Variants in RAB1A observed in about 807,000 individuals in gnomAD.
RAB1A encodes ras-related protein Rab-1A.
RAB1A carries 2 observed loss-of-function variants against 26.0 expected under a neutral mutation model. That is an observed-to-expected ratio of 0.08 (90% confidence interval 0.03 to 0.24). The LOEUF (loss-of-function observed/expected upper bound fraction) is 0.24. Among genes scored for constraint, RAB1A ranks in the 10% least tolerant of loss-of-function variants. The pLI, the probability that RAB1A is intolerant of heterozygous loss-of-function variation, is 1.00. For missense variants in RAB1A, 100 were observed against 247.0 expected (o/e 0.40, Z 3.99); for synonymous variants, 84 against 84.9 (o/e 0.99, Z 0.06).
intron 1 of RAB1A, among the ~76,000 whole-genome samples, chr2:65,123,988 T>C (rs1350134999): frequency 6.6e-6 from 1 of 152,154 alleles, no homozygotes; most frequent in East Asian, 1.9e-4. Context: ...GGGGGAAATT[T>C]TTATTTTTTA....
At chr2:65,118,671 T>C (rs1573087804) in intron 1 of RAB1A, among the ~76,000 whole-genome samples, 4 of 151,518 alleles carry the variant, frequency 2.6e-5, no homozygotes, top group Admixed American at 2.6e-4. Context: ...AGAGACAGGG[T>C]TTCACTGTGT....
At chr2:65,104,855 C>G (rs765310577) in intron 1 of RAB1A, 49 bp from the exon 2 acceptor site, 1 of 1,387,544 alleles carries the variant, frequency 7.2e-7, no homozygotes, top group Non-Finnish European at 1.0e-6. Context: ...CACTGCATTG[C>G]TATAAGCTAT....
chr2:65,104,586 C>T (rs1669509750), intron 2 of RAB1A, 148 bp downstream of exon 2: 1 of 629,494 alleles, frequency 1.6e-6, no homozygotes, highest in Non-Finnish European at 2.8e-6. Flanking sequence ...CAAGATACCA[C>T]TGGGGATGTA....
rs1669094833 is a variant in RAB1A, at chr2:65,088,622, C to T, written c.489G>A (p.Gln163=). Residue 163 remains glutamine, a synonymous_variant, in exon 6 of 6, where the codon CAG becomes CAA. Transcript: ENST00000409784. ...TSAKNATNVE[Q]SFMTMAAEIK... ...TCTCAGCTGCCATCGTCATGAAAGACTGTTCTACATTCGTTGCATTCTTAG... is the reference window on the plus strand; with the variant it reads ...TCTCAGCTGCCATCGTCATGAAAGATTGTTCTACATTCGTTGCATTCTTAG... 2.5e-6 allele frequency: 4 copies of T among 1,613,462 alleles called. No individual in the cohort carries two copies. The highest frequency in any genetic ancestry group is 1.7e-5 in the Admixed American group (1 of 59,946).
In RAB1A at chr2:65,087,741, A is replaced by AT. The variant is rs2103816366; in HGVS notation, c.*751dup. 6.5e-6 allele frequency: 1 copy of AT among 152,792 alleles called. No homozygotes were observed. The highest frequency in any genetic ancestry group is 2.1e-4 in the South Asian group (1 of 4,830). The allele number at this position is 152,792 out of a possible 1,614,324, so 9.5% of individuals were successfully genotyped here. Reference sequence around the variant, plus strand: ...ATATTATCTAGAAAGCAAATACTGGATGCTGCTCTAAGATAGGTCTAGAAT... The same window carrying AT: ...ATATTATCTAGAAAGCAAATACTGGATTGCTGCTCTAAGATAGGTCTAGAAT... On this transcript the variant is annotated 3_prime_UTR_variant, in exon 6 of 6. Transcript: ENST00000409784.
rs1483017672 is a variant in RAB1A, at chr2:65,088,529, G to A, written c.582C>T (p.Ser194=). ...GAEKSNVKIQ[S]TPVKQSGGGC... ...CTCCACCTGACTGCTTGACTGGAGT[G>A]CTCTGAATTTTAACATTGGACTTCT... The change falls in exon 6 of 6, where the codon AGC becomes AGT. Residue 194 remains serine, a synonymous_variant. Coordinates refer to ENST00000409784, the MANE Select transcript of RAB1A (RefSeq NM_004161.5). 6.2e-7 allele frequency: 1 copy of A among 1,612,934 alleles called. No individual in the cohort carries two copies. Among genetic ancestry groups the A allele is most frequent in the South Asian group, 1.1e-5 (1 of 90,694 alleles).
intron 1 of RAB1A, among the ~76,000 whole-genome samples, chr2:65,105,221 C>A (rs1363305158): frequency 6.6e-6 from 1 of 151,958 alleles, no homozygotes; most frequent in Non-Finnish European, 1.5e-5. Flanking sequence ...ATTCTAAGAT[C>A]AGGCCAGGCG....
At chr2:65,101,602 C>T (rs2103841974) in intron 2 of RAB1A, among the ~76,000 whole-genome samples, 1 of 151,970 alleles carries the variant, frequency 6.6e-6, no homozygotes, top group East Asian at 1.9e-4. Context: ...CCGAGAGTTG[C>T]TTAAGAATTA....
chr2:65,118,992 C>T (rs561109946), intron 1 of RAB1A, among the ~76,000 whole-genome samples: 2 of 151,520 alleles, frequency 1.3e-5, no homozygotes, highest in African/African-American at 4.8e-5. Flanking sequence ...AGTTCAAAAC[C>T]AGCCTGATAC....
intron 1 of RAB1A, among the ~76,000 whole-genome samples, chr2:65,125,420 TTTC>T (rs1670074767): frequency 2.0e-5 from 3 of 148,894 alleles, no homozygotes; most frequent in Admixed American, 1.3e-4. Context: ...TAAGTATTTC[TTTC>T]TTTTTTTTTT....
intron 3 of RAB1A, among the ~76,000 whole-genome samples, chr2:65,091,993 G>A (rs2103823859): frequency 6.6e-6 from 1 of 152,318 alleles, no homozygotes; most frequent in East Asian, 1.9e-4. Context: ...AAACTGTTGG[G>A]ACTGGGTACG....
intron 1 of RAB1A, among the ~76,000 whole-genome samples, chr2:65,110,784 T>C (rs943088690): frequency 2.0e-5 from 3 of 151,632 alleles, no homozygotes; most frequent in African/African-American, 7.3e-5. Context: ...ATATTTTTTT[T>C]AATTAGCTGG....
chr2:65,112,586 G>C (rs1052314094), intron 1 of RAB1A, among the ~76,000 whole-genome samples: 1 of 152,134 alleles, frequency 6.6e-6, no homozygotes, highest in Non-Finnish European at 1.5e-5. Flanking sequence ...CTGTTGAACT[G>C]CTTGAATTTT....
chr2:65,126,228 C>T (rs1670098567), intron 1 of RAB1A, among the ~76,000 whole-genome samples: 1 of 151,644 alleles, frequency 6.6e-6, no homozygotes, highest in African/African-American at 2.4e-5. Context: ...GCAGGAAAAT[C>T]GCTTGAACCC....
At position 65,088,071 on chromosome 2, in the gene RAB1A, C is replaced by A; in HGVS notation, c.*422G>T. On this transcript the variant is annotated 3_prime_UTR_variant, in exon 6 of 6. Coordinates refer to ENST00000409784, the MANE Select transcript of RAB1A (RefSeq NM_004161.5). ...AAATCAGATCTTACATATAACATCT[C>A]ACTAAACTTTATGCATGGAAAGTGA... 6.3e-6 allele frequency: 1 copy of A among 157,886 alleles called. No homozygotes were observed. The highest frequency in any genetic ancestry group is 1.4e-5 in the Non-Finnish European group (1 of 71,730). The allele number at this position is 157,886 out of a possible 1,614,324, so 9.8% of individuals were successfully genotyped here.
intron 1 of RAB1A, among the ~76,000 whole-genome samples, chr2:65,123,428 A>G (rs1472622362): frequency 1.3e-5 from 2 of 152,050 alleles, no homozygotes; most frequent in African/African-American, 4.8e-5. Flanking sequence ...TCGGCCTCCC[A>G]AAGTGCTGGG....
At chr2:65,115,150 A>G (rs2103868070) in intron 1 of RAB1A, among the ~76,000 whole-genome samples, 1 of 152,344 alleles carries the variant, frequency 6.6e-6, no homozygotes, top group Middle Eastern at 3.4e-3. Context: ...ACTGTTTATA[A>G]ATTACCCAGT....
intron 1 of RAB1A, among the ~76,000 whole-genome samples, chr2:65,121,568 C>T (rs1669965195): frequency 1.3e-5 from 2 of 152,302 alleles, no homozygotes; most frequent in African/African-American, 4.8e-5. Context: ...CAAACTAACA[C>T]TTAGTTCTCT....
intron 5 of RAB1A, 119 bp from the exon 6 acceptor site, chr2:65,088,809 A>G: frequency 7.6e-7 from 1 of 1,317,644 alleles, no homozygotes. Flanking sequence ...AACAGATGCT[A>G]CACAAATTGT....
Sources: allele counts gnomAD v4.1 joint callset (sites outside exome capture counted in the v4.1 genomes callset), GRCh38; gene constraint gnomAD v4.1.1; transcripts MANE v1.5; gene names NCBI Gene and HGNC (gene_info 2026-07-23, HGNC 2026-07-21).